Variants in PANK4 observed in about 807,000 individuals in gnomAD.
PANK4 encodes the protein 4'-phosphopantetheine phosphatase.
Under a neutral mutation model 87.9 loss-of-function variants are expected in PANK4, and 40 were observed. The ratio of observed to expected loss-of-function variants is 0.46; its 90% CI spans 0.35 to 0.59. PANK4 has a LOEUF of 0.59. Among genes scored for constraint, PANK4 ranks in the 20% least tolerant of loss-of-function variants. The pLI is 0.00. For missense variants in PANK4, 926 were observed against 1,072.3 expected, an observed-to-expected ratio of 0.86 and a Z score of 1.90; for synonymous variants, 524 against 467.4, an observed-to-expected ratio of 1.12 and a Z score of -1.56.
At position 2,511,348 on chromosome 1, in the gene PANK4, T is replaced by C. The variant is rs1243786080; in HGVS notation, c.1823A>G (p.Gln608Arg). 1 of 1,609,042 alleles carries C rather than the reference T, an allele frequency of 6.2e-7. No individual in the cohort carries two copies. The highest frequency in any genetic ancestry group is 2.2e-5 in the East Asian group (1 of 44,858). ...GGCCCCTCCACATACCTTTAATCTC[T>C]GAAGCCACTCGCTGTAGGAATCCAC... Reference protein sequence around the residue: ...WLVDSYSEWLQRLKGPPHKCA... With the variant: ...WLVDSYSEWLRRLKGPPHKCA... The change falls in exon 15 of 19, where the codon CAG becomes CGG. Residue 608 changes from glutamine to arginine, a missense_variant. Gln to Arg is a conservative substitution (Grantham distance 43, BLOSUM62 1). Coordinates refer to ENST00000378466, the MANE Select transcript of PANK4 (RefSeq NM_018216.4).
At position 2,508,612 on chromosome 1, in the gene PANK4, TTA is replaced by T. The variant is rs3831090; in HGVS notation, c.*233_*234del. The T allele has an allele frequency of 2.8e-3, 634 of 228,708 alleles. No homozygotes were observed. The highest frequency in any genetic ancestry group is 3.8e-3 in the Non-Finnish European group (471 of 124,714). The allele number at this position is 228,708 out of a possible 1,614,324, so 14.2% of individuals were successfully genotyped here. A position where few individuals can be genotyped will look rare whatever the true frequency, so the allele number is the denominator to read the frequency against. On this transcript the variant is annotated 3_prime_UTR_variant, in exon 19 of 19. Transcript: ENST00000378466. This position sits in a 1 kb window ranked among gnomAD's most constrained non-coding sequence, Gnocchi z 5.1. ...GACATACCTGTATAGATCTCTCTAT[TTA>T]TATATATATATATATAAAAGGTTCT...
chr1:2,515,983 C>T lies in PANK4; in HGVS notation c.1219-266G>A, dbSNP rs542453944. ...TGCCCCCAGCACCTCCCCGCTGCAG[C>T]CACACCTCCCCAATCACCGCTGCAG... On this transcript the variant is annotated intron_variant, in intron 9 of 18. Coordinates refer to ENST00000378466, the MANE Select transcript of PANK4 (RefSeq NM_018216.4). The surrounding 1 kb of genome is among the most constrained non-coding windows in gnomAD (Gnocchi z 5.0). The T allele has an allele frequency of 1.8e-6, 1 of 546,416 alleles. No individual in the cohort carries two copies. The highest frequency in any genetic ancestry group is 2.1e-5 in the South Asian group (1 of 47,618). 33.8% of individuals were successfully genotyped at this position (546,416 alleles called of 1,614,324 possible). A position where few individuals can be genotyped will look rare whatever the true frequency, so the allele number is the denominator to read the frequency against.
In PANK4 at chr1:2,512,668, G is replaced by A. The variant is rs560834207; in HGVS notation, c.1727+220C>T. ...CTGCGGCACCCATGCTTAAGGAAGG[G>A]GCCTCCTCAGAACCTGAGGGGACAG... On this transcript the variant is annotated intron_variant, in intron 13 of 18. Coordinates refer to ENST00000378466, the MANE Select transcript of PANK4 (RefSeq NM_018216.4). The A allele has an allele frequency of 1.4e-3, 768 of 557,196 alleles. 8 individuals carry two copies. The highest frequency in any genetic ancestry group is 4.3e-4 in the East Asian group (14 of 32,222). The allele number at this position is 557,196 out of a possible 1,614,324, so 34.5% of individuals were successfully genotyped here. A position where few individuals can be genotyped will look rare whatever the true frequency, so the allele number is the denominator to read the frequency against.
chr1:2,514,147 G>A (rs1643715325), intron 11 of PANK4, 58 bp from the exon 12 acceptor site: 2 of 1,417,846 alleles, frequency 1.4e-6, no homozygotes, highest in Admixed American at 1.7e-5. Context: ...CCGCCCGTCT[G>A]CCATCCTCGG....
chr1:2,509,130 G>A lies in PANK4; in HGVS notation c.2109-70C>T, dbSNP rs565844704. The A allele has an allele frequency of 2.6e-5, 32 of 1,230,118 alleles. No individual in the cohort carries two copies. The highest frequency in any genetic ancestry group is 3.4e-5 in the Non-Finnish European group (30 of 876,142). The allele number at this position is 1,230,118 out of a possible 1,614,324, so 76.2% of individuals were successfully genotyped here. A position where few individuals can be genotyped will look rare whatever the true frequency, so the allele number is the denominator to read the frequency against. On this transcript the variant is annotated intron_variant, in intron 18 of 18. Transcript: ENST00000378466. The surrounding 1 kb of genome is among the most constrained non-coding windows in gnomAD (Gnocchi z 4.9). ...GACCCCACTTCCCATACAGTGCGGC[G>A]ACCAACGTGAAGGCTGAAACCCCTA...
At chr1:2,513,140 T>A (rs1388298942) in intron 12 of PANK4, 101 bp from the exon 13 acceptor site, 1 of 1,338,464 alleles carries the variant, frequency 7.5e-7, no homozygotes, top group Non-Finnish European at 1.0e-6. Flanking sequence ...CCCCTCAGGA[T>A]CGAAGACTCA....
intron 2 of PANK4, 47 bp from the exon 3 acceptor site, chr1:2,521,362 C>T (rs45441501): frequency 1.1e-5 from 16 of 1,461,214 alleles, no homozygotes; most frequent in East Asian, 6.8e-5. Flanking sequence ...GACACCGCGC[C>T]GGGCTGGGCT....
Position 2,515,881 on chromosome 1 carries a change from CG to C in PANK4, c.1219-165del. On this transcript the variant is annotated intron_variant, in intron 9 of 18. Transcript: ENST00000378466. This position sits in a 1 kb window ranked among gnomAD's most constrained non-coding sequence, Gnocchi z 5.0. ...CCCCCACTGGGCCCCCTCAGCTGCC[CG>C]GCGGCCTGAGCCGGATACCTTGACT... 4.1e-6 allele frequency: 3 copies of C among 724,158 alleles called. No individual in the cohort carries two copies. In the Admixed American group the frequency reaches 8.3e-5, roughly 20 times the overall value. 44.9% of individuals were successfully genotyped at this position (724,158 alleles called of 1,614,324 possible). A position where few individuals can be genotyped will look rare whatever the true frequency, so the allele number is the denominator to read the frequency against.
Position 2,515,212 on chromosome 1 carries a change from C to A in PANK4, c.1374+350G>T. ...CTTGCTGGGGCTGAGTCTCACCCCA[C>A]CCCCAGAGTCAGGGTCCCACAATGC... On this transcript the variant is annotated intron_variant, in intron 10 of 18. Transcript: ENST00000378466. This position sits in a 1 kb window ranked among gnomAD's most constrained non-coding sequence, Gnocchi z 5.0. 1 of 457,808 alleles carries A rather than the reference C, an allele frequency of 2.2e-6. No homozygotes were observed. The allele number at this position is 457,808 out of a possible 1,614,324, so 28.4% of individuals were successfully genotyped here.
At chr1:2,511,316 G>C in intron 15 of PANK4, 22 bp downstream of exon 15, 1 of 1,578,372 alleles carries the variant, frequency 6.3e-7, no homozygotes, top group Non-Finnish European at 8.7e-7. Context: ...CAGCAGCAGA[G>C]GTGGGAGGCC....
In PANK4 at chr1:2,510,550, C is replaced by T; in HGVS notation, c.1938+128G>A. 2.9e-6 allele frequency: 2 copies of T among 679,698 alleles called. No individual in the cohort carries two copies. Among genetic ancestry groups the T allele is most frequent in the Non-Finnish European group, 5.3e-6 (2 of 380,800 alleles). The allele number at this position is 679,698 out of a possible 1,614,324, so 42.1% of individuals were successfully genotyped here. On this transcript the variant is annotated intron_variant, in intron 16 of 18. Coordinates refer to ENST00000378466, the MANE Select transcript of PANK4 (RefSeq NM_018216.4). The surrounding 1 kb of genome is among the most constrained non-coding windows in gnomAD (Gnocchi z 4.9). ...ACGGCTCTGGGCCGCCTCCCCCGTG[C>T]TGCTGCCTGCACCTACCTGCTGCGT...
In PANK4 at chr1:2,510,650, G is replaced by A; in HGVS notation, c.1938+28C>T. ...CCGAGAGCAGAGAAGCCCAGGGGAAGGGCCCCACCCACCACCTCAACACTC... is the reference window on the plus strand; with the variant it reads ...CCGAGAGCAGAGAAGCCCAGGGGAAAGGCCCCACCCACCACCTCAACACTC... On this transcript the variant is annotated intron_variant, in intron 16 of 18. Transcript: ENST00000378466. This position sits in a 1 kb window ranked among gnomAD's most constrained non-coding sequence, Gnocchi z 4.9. 1 of 1,356,096 alleles carries A rather than the reference G, an allele frequency of 7.4e-7. No homozygotes were observed. Among genetic ancestry groups the A allele is most frequent in the Non-Finnish European group, 1.1e-6 (1 of 948,490 alleles). The allele number at this position is 1,356,096 out of a possible 1,614,324, so 84.0% of individuals were successfully genotyped here.
intron 14 of PANK4, 63 bp downstream of exon 14, chr1:2,511,565 C>A: frequency 8.0e-7 from 1 of 1,243,412 alleles, no homozygotes. Flanking sequence ...TTCGCTGTTG[C>A]AGAGAACGTC....
At chr1:2,514,560 T>TTAGTCAAGCGCTGGCCCTGCTGCTTG in intron 10 of PANK4, 94 bp from the exon 11 acceptor site, 1 of 242,956 alleles carries the variant, frequency 4.1e-6, no homozygotes, top group Non-Finnish European at 7.5e-6. Context: ...AGGGTGGGGG[T>TTAGTCAAGCGCTGGCCCTGCTGCTTG]CGGCCGTGGG....
Position 2,521,239 on chromosome 1 carries a change from T to C in PANK4, c.284A>G (p.Lys95Arg). 1 of 1,613,954 alleles carries C rather than the reference T, an allele frequency of 6.2e-7. No homozygotes were observed. The highest frequency in any genetic ancestry group is 8.5e-7 in the Non-Finnish European group (1 of 1,179,972). Residue 95 changes from lysine to arginine, a missense_variant, in exon 3 of 19, where the codon AAG (lysine) becomes AGG (arginine). By Grantham distance (26) the Lys-to-Arg change is conservative. Coordinates refer to ENST00000378466, the MANE Select transcript of PANK4 (RefSeq NM_018216.4). ...GGCTTCGATGTAGGTATTCTCAAAC[T>C]TAATGAAGTGCAGTCGAGCAGTGAT... The part of the protein sequence containing the change: ...EEITARLHFI[K>R]FENTYIEACL...
rs377044819 is a variant in PANK4, at chr1:2,518,186, G to A, written c.1196C>T (p.Ala399Val). 44 of 1,608,196 alleles carry A rather than the reference G, an allele frequency of 2.7e-5. 1 individual carries two copies. In the South Asian group the frequency reaches 3.6e-4, roughly 13 times the overall value. ...LMSASPELGP[A>V]QRARSGTFDL... ...CACAGTGCCACTCCGCGCCCGCTGC[G>A]CCGGGCCGAGCTCGGGTGATGCACT... Residue 399 changes from alanine to valine, a missense_variant, in exon 9 of 19, where the codon GCG (alanine) becomes GTG (valine). Transcript: ENST00000378466.
At position 2,518,611 on chromosome 1, in the gene PANK4, A is replaced by T; in HGVS notation, c.1036-14T>A. 6.4e-7 allele frequency: 1 copy of T among 1,558,496 alleles called. No homozygotes were observed. The highest frequency in any genetic ancestry group is 8.7e-7 in the Non-Finnish European group (1 of 1,150,174). ...CTGCACTTCCCCCTGCCGTGGCCAA[A>T]GCACACGTGCTGCTGTTGGCCCCAC... On this transcript the variant is annotated splice_polypyrimidine_tract_variant and intron_variant, in intron 7 of 18. Transcript: ENST00000378466.
chr1:2,514,046 C>T lies in PANK4; in HGVS notation c.1531G>A (p.Glu511Lys). 1 of 1,612,890 alleles carries T rather than the reference C, an allele frequency of 6.2e-7. No individual in the cohort carries two copies. Reference protein sequence around the residue: ...LTVRSLLDTREHCLNEFNFPD... With the variant: ...LTVRSLLDTRKHCLNEFNFPD... The stretch of plus-strand genomic sequence containing the variant: ...AAGTTGAACTCGTTCAGACAGTGCT[C>T]CCTGGTGTCCAGCAGGCTGCGCACG... The change falls in exon 12 of 19, where the codon GAG (glutamate) becomes AAG (lysine). Residue 511 changes from glutamate (E) to lysine (K), a missense_variant. By Grantham distance (56) the Glu-to-Lys change is moderately conservative. Transcript: ENST00000378466.
chr1:2,521,121 G>C lies in PANK4; in HGVS notation c.402C>G (p.Ile134Met). The C allele has an allele frequency of 6.2e-7, 1 of 1,613,264 alleles. No homozygotes were observed. The highest frequency in any genetic ancestry group is 8.5e-7 in the Non-Finnish European group (1 of 1,179,606). The change falls in exon 3 of 19, where the codon ATC becomes ATG. Residue 134 changes from isoleucine (I) to methionine (M), a missense_variant. By Grantham distance (10) the Ile-to-Met change is conservative. Transcript: ENST00000378466. Reference protein sequence around the residue: ...GGGAYKFKDLIEEKLRLKVDK... With the variant: ...GGGAYKFKDLMEEKLRLKVDK... ...CTCACTTCAGCCGCAGCTTCTCTTC[G>C]ATGAGGTCTTTGAACTTGTAGGCCC...
Sources: gnomAD v4.1 joint callset for allele counts on GRCh38, gnomAD v4.1.1 for gene constraint, Gnocchi (gnomAD v3.1) non-coding constraint, MANE v1.5 for transcripts, NCBI Gene and HGNC (gene_info 2026-07-23, HGNC 2026-07-21) for gene names.